CYSLTR2: variants seen among roughly 807,000 people sequenced by gnomAD.
CYSLTR2 encodes the protein G-protein coupled receptor GPCR21.
For synonymous variants in CYSLTR2, 179 were observed against 160.8 expected (o/e 1.11, Z -0.86); for missense variants, 398 against 411.9 (o/e 0.97, Z 0.29).
chr13:48,666,013 T>C (rs1953252348), intron 1 of CYSLTR2, among the ~76,000 whole-genome samples: 1 of 152,140 alleles, frequency 6.6e-6, no homozygotes, highest in Admixed American at 6.5e-5. Flanking sequence ...TAGTTTCGCA[T>C]GTTTTCATGA....
intron 1 of CYSLTR2, 103 bp from the exon 2 acceptor site, chr13:48,691,109 A>C (rs746705261): frequency 3.3e-5 from 5 of 151,998 alleles, no homozygotes; most frequent in African/African-American, 4.8e-5. Flanking sequence ...AGCTTATATT[A>C]CTTTTGAAAT....
intron 1 of CYSLTR2, among the ~76,000 whole-genome samples, chr13:48,674,378 A>G (rs1184678660): frequency 6.6e-6 from 1 of 152,072 alleles, no homozygotes; most frequent in Admixed American, 6.5e-5. Flanking sequence ...TAGATCTTCA[A>G]TCTCTGATAT....
chr13:48,666,670 C>T (rs1369830592), intron 1 of CYSLTR2, among the ~76,000 whole-genome samples: 4 of 152,010 alleles, frequency 2.6e-5, no homozygotes, highest in Non-Finnish European at 4.4e-5. Flanking sequence ...TCTTCTTGGC[C>T]AGTCTGTTGT....
intron 4 of CYSLTR2, among the ~76,000 whole-genome samples, chr13:48,704,662 A>C (rs952666910): frequency 6.6e-6 from 1 of 151,846 alleles, no homozygotes; most frequent in African/African-American, 2.4e-5. Flanking sequence ...TATTCAGTTT[A>C]ATATATTTTT....
chr13:48,688,441 T>C (rs1219813410), intron 1 of CYSLTR2, among the ~76,000 whole-genome samples: 1 of 152,188 alleles, frequency 6.6e-6, no homozygotes. Context: ...TGATGTGTGA[T>C]GTTCCCCTCC....
At chr13:48,690,732 C>T (rs59324318) in intron 1 of CYSLTR2, among the ~76,000 whole-genome samples, 1,780 of 152,172 alleles carry the variant, frequency 0.012, 32 homozygotes, top group African/African-American at 0.04. Flanking sequence ...TGTTGTGTCT[C>T]TGTCAGGTTT....
chr13:48,698,907 G>T (rs777994255), intron 4 of CYSLTR2, among the ~76,000 whole-genome samples: 1 of 152,298 alleles, frequency 6.6e-6, no homozygotes, highest in East Asian at 1.9e-4. Context: ...AACCAACAAA[G>T]ATCAAAAGAG....
chr13:48,679,683 G>A lies in CYSLTR2; in HGVS notation c.-265-11529G>A, dbSNP rs116680337. ...AGCATAGCAGAGTGCCCGGCACAGA[G>A]TAACTGCAGTACAACTCACTGTTGC... On this transcript the variant is annotated intron_variant, in intron 1 of 4. Transcript: ENST00000682523. Among the ~76,000 whole-genome samples the A allele has an allele frequency of 6.4e-3, 978 of 152,298 alleles. 10 individuals are homozygous for A. The highest frequency in any genetic ancestry group is 0.022 in the African/African-American group (908 of 41,546).
At chr13:48,659,294 C>A (rs370855241) in intron 1 of CYSLTR2, among the ~76,000 whole-genome samples, 3 of 152,334 alleles carry the variant, frequency 2.0e-5, no homozygotes, top group African/African-American at 7.2e-5. Context: ...GCATCCCTGG[C>A]TGTCACCTGT....
At position 48,707,872 on chromosome 13, in the gene CYSLTR2, G is replaced by A; in HGVS notation, c.*14G>A. 6.6e-7 allele frequency: 1 copy of A among 1,508,928 alleles called. No individual in the cohort carries two copies. Among genetic ancestry groups the A allele is most frequent in the East Asian group, 2.3e-5 (1 of 43,918 alleles). The allele number at this position is 1,508,928 out of a possible 1,614,324, so 93.5% of individuals were successfully genotyped here. A position where few individuals can be genotyped will look rare whatever the true frequency, so the allele number is the denominator to read the frequency against. ...ACAAGAGTATAAGGAGCTCTTAGAT[G>A]AGACCTGTTCTTGTATCCTTGTGTC... On this transcript the variant is annotated 3_prime_UTR_variant, in exon 5 of 5. Coordinates refer to ENST00000682523, the MANE Select transcript of CYSLTR2 (RefSeq NM_001308476.3).
chr13:48,681,554 G>A lies in CYSLTR2; in HGVS notation c.-265-9658G>A, dbSNP rs543012351. Among the ~76,000 whole-genome samples, 15 of 152,238 alleles carry A rather than the reference G, an allele frequency of 9.9e-5. No individual in the cohort carries two copies. The South Asian group carries it at 3.1e-3, about 32-fold the overall frequency. ...GTTGCTTAAGAGGTCCTTATTGCTG[G>A]GGTCTGTTTTTGGTCTACCTGCTCC... is the stretch of plus-strand genomic sequence containing the variant. On this transcript the variant is annotated intron_variant, in intron 1 of 4. Coordinates refer to ENST00000682523, the MANE Select transcript of CYSLTR2 (RefSeq NM_001308476.3).
Position 48,710,108 on chromosome 13 carries a change from A to G in CYSLTR2, c.*2250A>G, listed in dbSNP as rs1034569263. On this transcript the variant is annotated 3_prime_UTR_variant, in exon 5 of 5. Transcript: ENST00000682523. ...CAGTACACTACATGGCTCAGCTGTG[A>G]ATAATATTTACATAGAGGATAATGT... The G allele has an allele frequency of 2.0e-5, 3 of 152,386 alleles. No homozygotes were observed. Among genetic ancestry groups the G allele is most frequent in the South Asian group, 2.1e-4 (1 of 4,834 alleles). The allele number at this position is 152,386 out of a possible 1,614,324, so 9.4% of individuals were successfully genotyped here.
intron 1 of CYSLTR2, among the ~76,000 whole-genome samples, chr13:48,679,123 T>TA (rs1953679635): frequency 6.6e-6 from 1 of 152,118 alleles, no homozygotes; most frequent in Non-Finnish European, 1.5e-5. Context: ...CTATATTACT[T>TA]ACACTTCCCC....
At chr13:48,684,125 C>T (rs1397717968) in intron 1 of CYSLTR2, among the ~76,000 whole-genome samples, 1 of 151,730 alleles carries the variant, frequency 6.6e-6, no homozygotes, top group African/African-American at 2.4e-5. Flanking sequence ...GGGGGGGTCT[C>T]ACTATGTTGG....
At chr13:48,681,134 C>T (rs1483560571) in intron 1 of CYSLTR2, among the ~76,000 whole-genome samples, 1 of 152,036 alleles carries the variant, frequency 6.6e-6, no homozygotes, top group Non-Finnish European at 1.5e-5. Flanking sequence ...TCCCATTTCC[C>T]ATTCCCATGT....
At chr13:48,659,364 C>T (rs1953073618) in intron 1 of CYSLTR2, among the ~76,000 whole-genome samples, 1 of 152,198 alleles carries the variant, frequency 6.6e-6, no homozygotes, top group East Asian at 1.9e-4. Context: ...GATGGTCACA[C>T]AGTTTGCACA....
chr13:48,663,259 T>C (rs1057357262), intron 1 of CYSLTR2, among the ~76,000 whole-genome samples: 3 of 152,176 alleles, frequency 2.0e-5, no homozygotes, highest in Non-Finnish European at 4.4e-5. Flanking sequence ...TAGTGTATTT[T>C]GAGGTTTGGT....
intron 1 of CYSLTR2, among the ~76,000 whole-genome samples, 199 bp from the exon 2 acceptor site, chr13:48,691,013 A>G (rs1954024704): frequency 6.6e-6 from 1 of 152,060 alleles, no homozygotes; most frequent in African/African-American, 2.4e-5. Context: ...ATCAGTGTAT[A>G]AGTATTCTTT....
At chr13:48,691,659 G>A (rs561746806) in intron 2 of CYSLTR2, among the ~76,000 whole-genome samples, 32 of 152,114 alleles carry the variant, frequency 2.1e-4, no homozygotes, top group Non-Finnish European at 4.0e-4. Flanking sequence ...AGCCCCTAGT[G>A]TTTGTTCAGA....
Sources: allele counts gnomAD v4.1 joint callset (sites outside exome capture counted in the v4.1 genomes callset), GRCh38; gene constraint gnomAD v4.1.1; transcripts MANE v1.5; gene names NCBI Gene and HGNC (gene_info 2026-07-23, HGNC 2026-07-21).